SIPA1: variants seen among roughly 807,000 people sequenced by gnomAD.
SIPA1 encodes the protein signal-induced proliferation-associated protein 1.
In SIPA1, 51 loss-of-function variants were observed where a neutral mutation model predicts 88.1. The ratio of observed to expected loss-of-function variants is 0.58; its 90% CI spans 0.46 to 0.73. The LOEUF is 0.73. Among genes scored for constraint, SIPA1 ranks in the 30% least tolerant of loss-of-function variants. The pLI, the probability that SIPA1 is intolerant of heterozygous loss-of-function variation, is 0.00. For missense variants in SIPA1, 1,348 were observed against 1,467.6 expected (o/e 0.92, Z 1.33); for synonymous variants, 681 against 664.8 (o/e 1.02, Z -0.37).
rs200286886 is a variant in SIPA1 at position 65,650,046 on chromosome 11, G to A, written c.2843G>A (p.Arg948Gln). Residue 948 changes from arginine to glutamine, a missense_variant, in exon 13 of 16, where the codon CGA becomes CAA. By Grantham distance (43) the Arg-to-Gln change is conservative. Coordinates refer to ENST00000534313, the MANE Select transcript of SIPA1 (RefSeq NM_006747.4). ...TCNTILESLS[R>Q]EGQPIPESGD... is the part of the protein sequence containing the mutation. ...AACACCATTCTGGAGTCGCTGTCCC[G>A]AGAGGGTGAGGCCACCAGGGTGCTG... 1.4e-5 allele frequency: 22 copies of A among 1,613,982 alleles called. No homozygotes were observed. The highest frequency in any genetic ancestry group is 1.1e-4 in the East Asian group (5 of 44,878).
rs768950378 is a variant in SIPA1 at position 65,642,663 on chromosome 11, C to T, written c.984+24C>T. ...TGGTGAGTGGCGGGCCGCGGAGCCCCCAGCCATACAGCTGGCCCCAGTCTG... is the reference window on the plus strand; with the variant it reads ...TGGTGAGTGGCGGGCCGCGGAGCCCTCAGCCATACAGCTGGCCCCAGTCTG... On this transcript the variant is annotated intron_variant, in intron 4 of 15. Transcript: ENST00000534313. The surrounding 1 kb of genome is among the most constrained non-coding windows in gnomAD (Gnocchi z 6.5). 1 of 1,504,972 alleles carries T rather than the reference C, an allele frequency of 6.6e-7. No individual in the cohort carries two copies. Among genetic ancestry groups the T allele is most frequent in the Admixed American group, 2.0e-5 (1 of 48,890 alleles). The allele number at this position is 1,504,972 out of a possible 1,614,324, so 93.2% of individuals were successfully genotyped here. A position where few individuals can be genotyped will look rare whatever the true frequency, so the allele number is the denominator to read the frequency against.
At chr11:65,644,152 A>T (rs1200193624) in intron 4 of SIPA1, among the ~76,000 whole-genome samples, 2 of 151,396 alleles carry the variant, frequency 1.3e-5, no homozygotes, top group African/African-American at 4.9e-5. Flanking sequence ...AAGGTGAGAC[A>T]TTAGGCAGCC....
In SIPA1 at chr11:65,641,357, C is replaced by G. The variant is rs776423070; in HGVS notation, c.436C>G (p.Leu146Val). The G allele has an allele frequency of 1.6e-5, 26 of 1,613,234 alleles. 1 individual carries two copies. In the Admixed American group the frequency reaches 1.8e-4, roughly 11 times the overall value. The change falls in exon 2 of 16, where the codon CTG (leucine) becomes GTG (valine). Residue 146 changes from leucine to valine, a missense_variant. By Grantham distance (32) the Leu-to-Val change is conservative. Around this residue, in one of 4 missense-constraint regions of SIPA1, gnomAD observed 641 missense variants for 797.7 expected, o/e 0.80. Transcript: ENST00000534313. ...CCACTCAGAGGCCAGCTCTGGGACCCTGGCTTCAGCCGAGGACCAGGCTGC... is the reference window on the plus strand; with the variant it reads ...CCACTCAGAGGCCAGCTCTGGGACCGTGGCTTCAGCCGAGGACCAGGCTGC... Reference protein sequence around the residue: ...GSHSEASSGTLASAEDQAASS... With the variant: ...GSHSEASSGTVASAEDQAASS...
At chr11:65,650,504 G>T (rs777477383) in intron 15 of SIPA1, 25 bp downstream of exon 15, 1 of 1,613,814 alleles carries the variant, frequency 6.2e-7, no homozygotes, top group Non-Finnish European at 8.5e-7. Context: ...GAGCTTGGGG[G>T]GAGTCACAGG....
chr11:65,645,130 G>A lies in SIPA1; in HGVS notation c.1159+1G>A. ...TACCGGGCCCAGCTAGACACCAAAA[G>A]TGAGGCCCAGGGGCAGGAGGGGTGG... On this transcript the variant is annotated splice_donor_variant, in intron 5 of 15. Coordinates refer to ENST00000534313, the MANE Select transcript of SIPA1 (RefSeq NM_006747.4). LOFTEE classifies it high-confidence loss of function. 1.9e-6 allele frequency: 3 copies of A among 1,613,078 alleles called. No individual in the cohort carries two copies. The highest frequency in any genetic ancestry group is 2.5e-6 in the Non-Finnish European group (3 of 1,179,296).
chr11:65,650,096 C>T (rs1239996064), intron 13 of SIPA1, 42 bp from the exon 14 acceptor site: 1 of 1,613,082 alleles, frequency 6.2e-7, no homozygotes, highest in Non-Finnish European at 8.5e-7. Flanking sequence ...AGTGCTCTTG[C>T]CCCCTTTCTG....
Position 65,642,282 on chromosome 11 carries a change from C to A in SIPA1, c.712C>A (p.Leu238Met). The A allele has an allele frequency of 6.4e-7, 1 of 1,555,828 alleles. No homozygotes were observed. The highest frequency in any genetic ancestry group is 1.4e-5 in the African/African-American group (1 of 73,242). ...HQNFFGMDESLGPVAVSLRRE... is the reference protein window; with the variant it reads ...HQNFFGMDESMGPVAVSLRRE... ...GAACTTCTTCGGGATGGACGAGTCGCTGGGCCCGGTGGCAGTGAGCCTGCG... is the reference window on the plus strand; with the variant it reads ...GAACTTCTTCGGGATGGACGAGTCGATGGGCCCGGTGGCAGTGAGCCTGCG... The change falls in exon 3 of 16, where the codon CTG becomes ATG. Residue 238 changes from leucine (L) to methionine (M), a missense_variant. This residue lies in a region of SIPA1 where 641 missense variants were observed against 797.7 expected (regional missense o/e 0.80). Transcript: ENST00000534313. The surrounding 1 kb of genome is among the most constrained non-coding windows in gnomAD (Gnocchi z 6.5).
At chr11:65,648,801 A>G (rs1240741172) in intron 9 of SIPA1, among the ~76,000 whole-genome samples, 1 of 151,156 alleles carries the variant, frequency 6.6e-6, no homozygotes, top group African/African-American at 2.4e-5. Flanking sequence ...GCGCCATTGC[A>G]CTCCAGCCTG....
At chr11:65,647,243 C>T (rs1244134094) in intron 8 of SIPA1, 141 bp from the exon 9 acceptor site, 2 of 1,377,842 alleles carry the variant, frequency 1.5e-6, no homozygotes, top group East Asian at 5.5e-5. Context: ...GACTTCTGGT[C>T]TTCATCCCTC....
Position 65,647,376 on chromosome 11 carries a change from G to A in SIPA1, c.2032-8G>A, listed in dbSNP as rs751824511. ...CAGCCCCGCCCACTCGTCCCGCCCC[G>A]TCCGCAGCTGGTGAGCCGTGGCTGC... is the stretch of plus-strand genomic sequence containing the variant. On this transcript the variant is annotated splice_polypyrimidine_tract_variant and splice_region_variant and intron_variant, in intron 8 of 15. Transcript: ENST00000534313. 2.1e-6 allele frequency: 3 copies of A among 1,423,426 alleles called. No individual in the cohort carries two copies. Among genetic ancestry groups the A allele is most frequent in the East Asian group, 3.1e-5 (1 of 32,446 alleles). The allele number at this position is 1,423,426 out of a possible 1,614,324, so 88.2% of individuals were successfully genotyped here.
Position 65,642,720 on chromosome 11 carries a change from C to A in SIPA1, c.984+81C>A. 1 of 1,323,626 alleles carries A rather than the reference C, an allele frequency of 7.6e-7. No individual in the cohort carries two copies. The highest frequency in any genetic ancestry group is 1.0e-6 in the Non-Finnish European group (1 of 999,752). 82.0% of individuals were successfully genotyped at this position (1,323,626 alleles called of 1,614,324 possible). A position where few individuals can be genotyped will look rare whatever the true frequency, so the allele number is the denominator to read the frequency against. ...GCCTGCCCAGCTCCCAAACCCCTAGCCTTGACCCTGATCCTGGGCTGGGTG... is the reference window on the plus strand; with the variant it reads ...GCCTGCCCAGCTCCCAAACCCCTAGACTTGACCCTGATCCTGGGCTGGGTG... On this transcript the variant is annotated intron_variant, in intron 4 of 15. Transcript: ENST00000534313. This position sits in a 1 kb window ranked among gnomAD's most constrained non-coding sequence, Gnocchi z 6.5.
At position 65,638,703 on chromosome 11, in the gene SIPA1, C is replaced by A. The variant is rs373551872; in HGVS notation, c.-92+521C>A. On this transcript the variant is annotated intron_variant, in intron 1 of 15. Transcript: ENST00000534313. ...GGGGGCGGGGCCGGCCCTTTCCCCC[C>A]ACCCCTAGTGACACAGGCCCGGAGG... Among the ~76,000 whole-genome samples the A allele has an allele frequency of 2.0e-4, 30 of 152,334 alleles. 1 individual carries two copies. The East Asian group carries it at 3.7e-3, about 19-fold the overall frequency.
chr11:65,644,904 G>C (rs561200823), intron 4 of SIPA1, 51 bp from the exon 5 acceptor site: 2 of 1,555,788 alleles, frequency 1.3e-6, no homozygotes, highest in Non-Finnish European at 1.8e-6. Flanking sequence ...AGAGCTGGTG[G>C]GGTGGGGCTG....
chr11:65,641,946 C>T, intron 2 of SIPA1, among the ~76,000 whole-genome samples: 1 of 152,158 alleles, frequency 6.6e-6, no homozygotes, highest in East Asian at 1.9e-4. Context: ...TTGTTCGCAC[C>T]AGCACTGCGG....
At position 65,642,119 on chromosome 11, in the gene SIPA1, G is replaced by T; in HGVS notation, c.680-131G>T. The T allele has an allele frequency of 7.8e-7, 1 of 1,284,020 alleles. No individual in the cohort carries two copies. The highest frequency in any genetic ancestry group is 1.1e-6 in the Non-Finnish European group (1 of 934,804). The allele number at this position is 1,284,020 out of a possible 1,614,324, so 79.5% of individuals were successfully genotyped here. A position where few individuals can be genotyped will look rare whatever the true frequency, so the allele number is the denominator to read the frequency against. ...ATTGAGCTCGGGGCTACAGAGGGGC[G>T]GGACTTAGTCTAGGGTCAACATTTG... On this transcript the variant is annotated intron_variant, in intron 2 of 15. Coordinates refer to ENST00000534313, the MANE Select transcript of SIPA1 (RefSeq NM_006747.4). This position sits in a 1 kb window ranked among gnomAD's most constrained non-coding sequence, Gnocchi z 6.5.
At chr11:65,650,238 C>T (rs369628352) in intron 14 of SIPA1, 46 bp downstream of exon 14, 346 of 1,598,830 alleles carry the variant, frequency 2.2e-4, no homozygotes, top group Non-Finnish European at 2.9e-4. Flanking sequence ...CCCACATGAC[C>T]CCCCCTTCGT....
intron 1 of SIPA1, chr11:65,640,120 G>C (rs2135504688): frequency 6.6e-6 from 1 of 152,404 alleles, no homozygotes; most frequent in South Asian, 2.1e-4. Flanking sequence ...CTGTCCTTCA[G>C]GGCAGGGTGA....
intron 8 of SIPA1, 88 bp downstream of exon 8, chr11:65,647,153 C>A: frequency 7.1e-7 from 1 of 1,416,490 alleles, no homozygotes; most frequent in Non-Finnish European, 9.2e-7. Context: ...TTGTCCCCTA[C>A]TCCTGCGGAA....
chr11:65,646,355 C>A lies in SIPA1; in HGVS notation c.1398C>A (p.Pro466=), dbSNP rs1341436051. 1.1e-5 allele frequency: 17 copies of A among 1,612,518 alleles called. No individual in the cohort carries two copies. Among genetic ancestry groups the A allele is most frequent in the Non-Finnish European group, 1.3e-5 (15 of 1,179,992 alleles). ...HVFLVVRAHT[P]CTPHTTYRVA... ...TCCTAGTGGTGCGGGCACACACACC[C>A]TGCACGCCACACACCACCTACAGGT... The change falls in exon 7 of 16, where the codon CCC becomes CCA. Residue 466 remains proline, a synonymous_variant. Transcript: ENST00000534313. The surrounding 1 kb of genome is among the most constrained non-coding windows in gnomAD (Gnocchi z 7.5).
Sources: allele counts gnomAD v4.1 joint callset (sites outside exome capture counted in the v4.1 genomes callset), GRCh38; gene constraint gnomAD v4.1.1; regional missense constraint gnomAD v4.1.1; non-coding constraint Gnocchi (gnomAD v3.1); transcripts MANE v1.5; gene names NCBI Gene and HGNC (gene_info 2026-07-23, HGNC 2026-07-21).